NF1: variants seen among roughly 807,000 people sequenced by gnomAD.
The protein encoded by NF1 is neurofibromin.
NF1 carries 122 observed loss-of-function variants against 325.7 expected under a neutral mutation model. The ratio of observed to expected loss-of-function variants is 0.37; its 90% CI spans 0.32 to 0.44. The LOEUF is 0.44. Ranked by LOEUF, NF1 falls within the 20% of genes least tolerant of loss-of-function variation. NF1 has a pLI of 1.00. For synonymous variants in NF1, 1,091 were observed against 1,186.0 expected (o/e 0.92, Z 1.65); for missense variants, 2,140 against 3,415.4 (o/e 0.63, Z 9.31).
chr17:31,182,684 T>C lies in NF1; in HGVS notation c.888+19T>C, dbSNP rs1318011806. Reference sequence around the variant, plus strand: ...GAATAAGGTAAGGAGGGCAAAATTATTTCCATTATATCTAGATGTGAAGCA... The same window carrying C: ...GAATAAGGTAAGGAGGGCAAAATTACTTCCATTATATCTAGATGTGAAGCA... On this transcript the variant is annotated intron_variant, in intron 8 of 57. Coordinates refer to ENST00000358273, the MANE Select transcript of NF1 (RefSeq NM_001042492.3). The C allele has an allele frequency of 6.2e-7, 1 of 1,607,864 alleles. No homozygotes were observed. Among genetic ancestry groups the C allele is most frequent in the East Asian group, 2.2e-5 (1 of 44,782 alleles).
chr17:31,146,720 A>C (rs1368890616), intron 1 of NF1, among the ~76,000 whole-genome samples: 2 of 152,208 alleles, frequency 1.3e-5, no homozygotes, highest in Non-Finnish European at 2.9e-5. Flanking sequence ...GCTTTGGCCA[A>C]CCCCCACGGG....
At chr17:31,196,136 A>G (rs922879494) in intron 8 of NF1, among the ~76,000 whole-genome samples, 19 of 151,958 alleles carry the variant, frequency 1.3e-4, no homozygotes, top group Admixed American at 1.2e-3. Flanking sequence ...TTATATTTCC[A>G]TATTCTCATA....
chr17:31,227,717 A>G, intron 20 of NF1, 111 bp downstream of exon 20: 1 of 923,986 alleles, frequency 1.1e-6, no homozygotes, highest in South Asian at 1.4e-5. Context: ...AGCTGTGTGA[A>G]GACTGATATT....
chr17:31,102,977 C>G (rs573623564), intron 1 of NF1, among the ~76,000 whole-genome samples: 3 of 151,902 alleles, frequency 2.0e-5, no homozygotes, highest in Non-Finnish European at 4.4e-5. Flanking sequence ...TCCCAAGTAG[C>G]TGGCATTACA....
At chr17:31,222,927 G>C (rs1415135677) in intron 15 of NF1, among the ~76,000 whole-genome samples, 2 of 152,156 alleles carry the variant, frequency 1.3e-5, no homozygotes, top group African/African-American at 4.8e-5. Flanking sequence ...AAATATTTTA[G>C]GGCTTGTGGG....
At chr17:31,256,784 G>A (rs145930779) in intron 31 of NF1, among the ~76,000 whole-genome samples, 75 of 152,190 alleles carry the variant, frequency 4.9e-4, no homozygotes, top group Middle Eastern at 3.4e-3. Context: ...ACCTTCACCA[G>A]TTTCCCCTTA....
chr17:31,325,799 C>T (rs751626121), intron 36 of NF1, 21 bp from the exon 37 acceptor site: 8 of 1,599,428 alleles, frequency 5.0e-6, no homozygotes, highest in Non-Finnish European at 6.9e-6. Flanking sequence ...TAATCTTTGT[C>T]TTTTTTGTCA....
intron 3 of NF1, among the ~76,000 whole-genome samples, chr17:31,160,931 G>T (rs529635407): frequency 2.6e-5 from 4 of 152,282 alleles, no homozygotes; most frequent in African/African-American, 9.6e-5. Context: ...GTTGAAAAAT[G>T]TGTATGCTTT....
At chr17:31,168,197 A>G (rs750005700) in intron 4 of NF1, among the ~76,000 whole-genome samples, 1 of 152,164 alleles carries the variant, frequency 6.6e-6, no homozygotes, top group Non-Finnish European at 1.5e-5. Context: ...TCAAATCCCC[A>G]TGCATCTCTT....
intron 29 of NF1, 30 bp from the exon 30 acceptor site, chr17:31,248,954 T>G: frequency 6.2e-7 from 1 of 1,611,298 alleles, no homozygotes; most frequent in South Asian, 1.1e-5. Flanking sequence ...TAAACAAAAG[T>G]GTTAGGATTT....
intron 9 of NF1, 74 bp from the exon 10 acceptor site, chr17:31,200,963 A>C: frequency 6.3e-7 from 1 of 1,594,186 alleles, no homozygotes. Context: ...TAATGTGTTG[A>C]TGTTATTACA....
intron 1 of NF1, among the ~76,000 whole-genome samples, chr17:31,132,951 A>G (rs1007068279): frequency 3.3e-5 from 5 of 152,064 alleles, no homozygotes; most frequent in African/African-American, 1.2e-4. Context: ...ACAGGCATGA[A>G]CCACCGTGCC....
intron 36 of NF1, among the ~76,000 whole-genome samples, chr17:31,282,524 C>T (rs372942245): frequency 4.6e-5 from 7 of 152,130 alleles, no homozygotes; most frequent in African/African-American, 1.4e-4. Flanking sequence ...TCCTGCCCCC[C>T]CTCAGCCCCT....
At chr17:31,181,554 C>T (rs2143775690) in intron 6 of NF1, 65 bp downstream of exon 6, 1 of 1,490,534 alleles carries the variant, frequency 6.7e-7, no homozygotes, top group Non-Finnish European at 9.4e-7. Flanking sequence ...TTGTTAGCAT[C>T]CTGAATCAAA....
intron 57 of NF1, among the ~76,000 whole-genome samples, chr17:31,371,658 T>C (rs540810532): frequency 6.6e-6 from 1 of 152,356 alleles, no homozygotes; most frequent in Non-Finnish European, 1.5e-5. Context: ...GATTAGAACA[T>C]GACTAGCCTT....
intron 36 of NF1, among the ~76,000 whole-genome samples, chr17:31,302,496 A>G (rs896488360): frequency 7.9e-5 from 12 of 152,188 alleles, no homozygotes; most frequent in African/African-American, 2.4e-4. Flanking sequence ...ATTAAAAAGA[A>G]TAATAGGAAA....
chr17:31,286,085 A>G (rs1017018899), intron 36 of NF1, among the ~76,000 whole-genome samples: 5 of 151,992 alleles, frequency 3.3e-5, no homozygotes, highest in Admixed American at 1.3e-4. Context: ...AAATAATTTT[A>G]ATATGCTTTT....
chr17:31,200,438 G>A lies in NF1; in HGVS notation c.905G>A (p.Ser302Asn), dbSNP rs786202746. 1.2e-6 allele frequency: 2 copies of A among 1,614,094 alleles called. No individual in the cohort carries two copies. Among genetic ancestry groups the A allele is most frequent in the Non-Finnish European group, 1.7e-6 (2 of 1,180,000 alleles). ...ATTCTGTAGAAGTTATTTCTGGACA[G>A]TCTACGAAAAGCTCTTGCTGGCCAT... The part of the protein sequence containing the change: ...NNMNKKLFLD[S>N]LRKALAGHGG... The change falls in exon 9 of 58, where the codon AGT (serine) becomes AAT (asparagine). Residue 302 changes from serine (S) to asparagine (N), a missense_variant. Coordinates refer to ENST00000358273, the MANE Select transcript of NF1 (RefSeq NM_001042492.3).
chr17:31,191,652 T>C (rs1343502016), intron 8 of NF1, among the ~76,000 whole-genome samples: 6 of 152,080 alleles, frequency 3.9e-5, no homozygotes, highest in Non-Finnish European at 7.4e-5. Flanking sequence ...AGTAGGGGAT[T>C]GATTGTGGTG....
Sources: allele counts gnomAD v4.1 joint callset (sites outside exome capture counted in the v4.1 genomes callset), GRCh38; gene constraint gnomAD v4.1.1; transcripts MANE v1.5; gene names NCBI Gene and HGNC (gene_info 2026-07-23, HGNC 2026-07-21).